The following LRRC8D variants were observed in gnomAD, a reference collection of about 807,000 sequenced individuals.
LRRC8D encodes the protein leucine rich repeat containing 8 VRAC subunit D, also known as volume-regulated anion channel subunit LRRC8D.
Under a neutral mutation model 55.8 loss-of-function variants are expected in LRRC8D, and 20 were observed. The ratio of observed to expected loss-of-function variants is 0.36; its 90% CI spans 0.25 to 0.52. The LOEUF (loss-of-function observed/expected upper bound fraction) is 0.52, where lower values mean the gene tolerates loss of function less well. LRRC8D is among the 20% of genes least tolerant of loss of function. The pLI, the probability that LRRC8D is intolerant of heterozygous loss-of-function variation, is 0.93. For missense variants in LRRC8D, 651 were observed against 1,030.8 expected, an observed-to-expected ratio of 0.63 and a Z score of 5.05; for synonymous variants, 352 against 377.0, an observed-to-expected ratio of 0.93 and a Z score of 0.77.
intron 2 of LRRC8D, 36 bp downstream of exon 2, chr1:89,843,818 C>T: frequency 1.6e-6 from 1 of 630,140 alleles, no homozygotes. Flanking sequence ...GGGAGCGGGT[C>T]GGGAAGTCTG....
intron 2 of LRRC8D, among the ~76,000 whole-genome samples, chr1:89,872,172 C>A (rs1170396119): frequency 6.6e-6 from 1 of 152,236 alleles, no homozygotes; most frequent in East Asian, 1.9e-4. Flanking sequence ...GTAAATTATT[C>A]ATTGACAGTA....
At chr1:89,845,340 T>C (rs1176190895) in intron 2 of LRRC8D, among the ~76,000 whole-genome samples, 3 of 152,218 alleles carry the variant, frequency 2.0e-5, no homozygotes, top group Non-Finnish European at 1.5e-5. Flanking sequence ...CCTTCCTAGA[T>C]AGACATGAAC....
At chr1:89,915,974 A>T (rs1284271878) in intron 2 of LRRC8D, among the ~76,000 whole-genome samples, 1 of 152,194 alleles carries the variant, frequency 6.6e-6, no homozygotes, top group Non-Finnish European at 1.5e-5. Context: ...TTCACAAAAA[A>T]GTCTCACAAA....
At chr1:89,917,188 C>T (rs1663294418) in intron 2 of LRRC8D, among the ~76,000 whole-genome samples, 1 of 152,164 alleles carries the variant, frequency 6.6e-6, no homozygotes, top group African/African-American at 2.4e-5. Flanking sequence ...CAGGTGCAAA[C>T]TATTTGCCCT....
At position 89,933,566 on chromosome 1, in the gene LRRC8D, A is replaced by C. The variant is rs755426095; in HGVS notation, c.498A>C (p.Pro166=). 7 of 1,614,062 alleles carry C rather than the reference A, an allele frequency of 4.3e-6. No homozygotes were observed. Among genetic ancestry groups the C allele is most frequent in the Non-Finnish European group, 5.9e-6 (7 of 1,180,028 alleles). ...LALPWYSKYF[P]YLALIHTIIL... is the part of the protein sequence containing the mutation. ...TTCCGTGGTATTCTAAGTACTTTCC[A>C]TACCTAGCTCTTATACATACTATTA... Residue 166 remains proline (P), a synonymous_variant, in exon 3 of 3, where the codon CCA becomes CCC. Coordinates refer to ENST00000337338, the MANE Select transcript of LRRC8D (RefSeq NM_001134479.2). The surrounding 1 kb of genome is among the most constrained non-coding windows in gnomAD (Gnocchi z 7.0).
chr1:89,910,622 G>A (rs1663111884), intron 2 of LRRC8D, among the ~76,000 whole-genome samples: 1 of 151,984 alleles, frequency 6.6e-6, no homozygotes, highest in Non-Finnish European at 1.5e-5. Context: ...GCAGGTATGG[G>A]CTTCATAGTG....
At chr1:89,897,588 G>A (rs1255881618) in intron 2 of LRRC8D, among the ~76,000 whole-genome samples, 2 of 152,146 alleles carry the variant, frequency 1.3e-5, no homozygotes, top group East Asian at 1.9e-4. Flanking sequence ...CTATACACAC[G>A]CAGGACCTAG....
intron 1 of LRRC8D, among the ~76,000 whole-genome samples, chr1:89,837,761 G>A (rs1288664347): frequency 1.3e-5 from 2 of 152,162 alleles, no homozygotes; most frequent in South Asian, 2.1e-4. Context: ...GAGTTTTCAG[G>A]TACTCCGTTT....
chr1:89,934,712 T>C lies in LRRC8D; in HGVS notation c.1644T>C (p.Asp548=), dbSNP rs1027211657. The change falls in exon 3 of 3, where the codon GAT becomes GAC. Residue 548 remains aspartate (D), a synonymous_variant. Coordinates refer to ENST00000337338, the MANE Select transcript of LRRC8D (RefSeq NM_001134479.2). This position sits in a 1 kb window ranked among gnomAD's most constrained non-coding sequence, Gnocchi z 5.9. ...GATGCCTTCACGTGAAGTTCACTGATGTGGCTGAAATTCCTGCCTGGGTGT... is the reference window on the plus strand; with the variant it reads ...GATGCCTTCACGTGAAGTTCACTGACGTGGCTGAAATTCCTGCCTGGGTGT... ...HLRCLHVKFT[D]VAEIPAWVYL... is the part of the protein sequence containing the mutation. 1.9e-6 allele frequency: 3 copies of C among 1,614,206 alleles called. No individual in the cohort carries two copies. Among genetic ancestry groups the C allele is most frequent in the Non-Finnish European group, 2.5e-6 (3 of 1,180,038 alleles).
chr1:89,821,265 G>C lies in LRRC8D; in HGVS notation c.-174G>C, dbSNP rs1413174754. On this transcript the variant is annotated 5_prime_UTR_variant, in exon 1 of 3. Coordinates refer to ENST00000337338, the MANE Select transcript of LRRC8D (RefSeq NM_001134479.2). The stretch of plus-strand genomic sequence containing the variant: ...CACCTCCGGCCTCAGCATAAGCCGT[G>C]GCTTGGCGGCCGAGCTGCACCCCAA... The C allele has an allele frequency of 2.0e-5, 3 of 151,968 alleles. No individual in the cohort carries two copies. The highest frequency in any genetic ancestry group is 2.0e-4 in the Admixed American group (3 of 15,262). The allele number at this position is 151,968 out of a possible 1,614,324, so 9.4% of individuals were successfully genotyped here.
intron 2 of LRRC8D, among the ~76,000 whole-genome samples, chr1:89,880,519 G>A (rs969209811): frequency 1.3e-5 from 2 of 151,380 alleles, no homozygotes; most frequent in African/African-American, 4.9e-5. Context: ...AGAGATTTAG[G>A]TTCATTATCC....
At chr1:89,842,019 T>C (rs935847813) in intron 1 of LRRC8D, among the ~76,000 whole-genome samples, 1 of 152,024 alleles carries the variant, frequency 6.6e-6, no homozygotes, top group Non-Finnish European at 1.5e-5. Flanking sequence ...GAGATCATCC[T>C]GGCCAACATT....
intron 2 of LRRC8D, among the ~76,000 whole-genome samples, chr1:89,855,008 C>G (rs1055392673): frequency 4.6e-5 from 7 of 152,088 alleles, no homozygotes; most frequent in Admixed American, 1.3e-4. Flanking sequence ...ATAATTTAGT[C>G]GTTTCATAAG....
chr1:89,859,319 G>A (rs552744077), intron 2 of LRRC8D, among the ~76,000 whole-genome samples: 11 of 151,272 alleles, frequency 7.3e-5, no homozygotes, highest in African/African-American at 1.2e-4. Flanking sequence ...TAGTAGTGTC[G>A]AACAATGATA....
intron 2 of LRRC8D, among the ~76,000 whole-genome samples, chr1:89,868,402 T>G (rs1661906354): frequency 6.6e-6 from 1 of 152,178 alleles, no homozygotes; most frequent in South Asian, 2.1e-4. Flanking sequence ...TCCTTCAGAT[T>G]ATGCAAATTT....
chr1:89,858,462 T>G (rs1328167907), intron 2 of LRRC8D, among the ~76,000 whole-genome samples: 1 of 152,144 alleles, frequency 6.6e-6, no homozygotes, highest in East Asian at 1.9e-4. Flanking sequence ...TGATGTTAAT[T>G]ATATCTTCTG....
chr1:89,845,517 A>G (rs1191636911), intron 2 of LRRC8D, among the ~76,000 whole-genome samples: 2 of 152,128 alleles, frequency 1.3e-5, no homozygotes, highest in Non-Finnish European at 1.5e-5. Context: ...GCTCACTGCA[A>G]TCTCTGCCGC....
chr1:89,873,485 C>A (rs911042391), intron 2 of LRRC8D, among the ~76,000 whole-genome samples: 1 of 152,174 alleles, frequency 6.6e-6, no homozygotes, highest in Admixed American at 6.5e-5. Context: ...AAGCTCATGA[C>A]TTCCTTTCAG....
Position 89,934,958 on chromosome 1 carries a change from C to T in LRRC8D, c.1890C>T (p.Ser630=). 6.2e-7 allele frequency: 1 copy of T among 1,614,024 alleles called. No homozygotes were observed. Among genetic ancestry groups the T allele is most frequent in the Non-Finnish European group, 8.5e-7 (1 of 1,180,008 alleles). ...NDGTKLLVLN[S]LKKMMNVAEL... ...GCACTAAACTCTTGGTACTGAACAG[C>T]CTTAAGAAAATGATGAATGTCGCTG... is the stretch of plus-strand genomic sequence containing the variant. The change falls in exon 3 of 3, where the codon AGC becomes AGT. Residue 630 remains serine (S), a synonymous_variant. Transcript: ENST00000337338. The surrounding 1 kb of genome is among the most constrained non-coding windows in gnomAD (Gnocchi z 5.9).
Sources: gnomAD v4.1 joint callset for allele counts (sites outside exome capture counted in the v4.1 genomes callset) on GRCh38, gnomAD v4.1.1 for gene constraint, Gnocchi (gnomAD v3.1) non-coding constraint, MANE v1.5 for transcripts, NCBI Gene and HGNC (gene_info 2026-07-23, HGNC 2026-07-21) for gene names.